The following FYCO1 variants were observed in gnomAD, a reference collection of about 807,000 sequenced individuals.
The protein encoded by FYCO1 is FYVE and coiled-coil domain autophagy adaptor 1.
In FYCO1, 122 loss-of-function variants were observed where a neutral mutation model predicts 165.1. The ratio of observed to expected loss-of-function variants is 0.74; its 90% CI spans 0.64 to 0.86. FYCO1 has a LOEUF of 0.86. Ranked by LOEUF, FYCO1 falls within the 40% of genes least tolerant of loss-of-function variation. FYCO1 has a pLI of 0.00. For missense variants in FYCO1, 1,702 were observed against 1,810.3 expected (o/e 0.94, Z 1.09); for synonymous variants, 648 against 742.5 (o/e 0.87, Z 2.07).
rs540709379 is a variant in FYCO1 at position 45,967,819 on chromosome 3, C to T, written c.1515G>A (p.Glu505=). ...KQQQEEKELL[E]QEVRSLTRQL... is the part of the protein sequence containing the mutation. Reference sequence around the variant, plus strand: ...GCCGGGTCAGAGACCTGACCTCCTGCTCCAGCAGCTCCTTCTCCTCCTGTT... The same window carrying T: ...GCCGGGTCAGAGACCTGACCTCCTGTTCCAGCAGCTCCTTCTCCTCCTGTT... The change falls in exon 8 of 18, where the codon GAG becomes GAA. Residue 505 remains glutamate (E), a synonymous_variant. Coordinates refer to ENST00000296137, the MANE Select transcript of FYCO1 (RefSeq NM_024513.4). 10 of 1,614,100 alleles carry T rather than the reference C, an allele frequency of 6.2e-6. No individual in the cohort carries two copies. In the African/African-American group the frequency reaches 1.1e-4, roughly 17 times the overall value.
At chr3:45,992,151 C>A (rs550535207) in intron 1 of FYCO1, among the ~76,000 whole-genome samples, 1 of 152,322 alleles carries the variant, frequency 6.6e-6, no homozygotes, top group African/African-American at 2.4e-5. Context: ...TTTGTTATGG[C>A]AGCCCTAGCA....
At chr3:45,963,286 A>T (rs1165021469) in intron 10 of FYCO1, among the ~76,000 whole-genome samples, 1 of 152,160 alleles carries the variant, frequency 6.6e-6, no homozygotes, top group East Asian at 1.9e-4. Flanking sequence ...TAGACTGTAC[A>T]GCTTTGAGCA....
chr3:45,963,075 A>T (rs561353946), intron 10 of FYCO1, among the ~76,000 whole-genome samples: 1 of 151,972 alleles, frequency 6.6e-6, no homozygotes, highest in Admixed American at 6.6e-5. Context: ...ACATAATAAA[A>T]GCTCCATTAA....
intron 6 of FYCO1, among the ~76,000 whole-genome samples, chr3:45,971,695 T>C (rs1706455606): frequency 6.6e-6 from 1 of 152,194 alleles, no homozygotes; most frequent in Non-Finnish European, 1.5e-5. Flanking sequence ...TTCAAAAATG[T>C]CAATGTTATG....
In FYCO1 at chr3:45,920,007, G is replaced by A. The variant is rs758968562; in HGVS notation, c.*1758C>T. ...CAGAAGAGGCTGCTCCAAGGAAGCC[G>A]AATGCAAGAGGCCCAGCTTTTCTCT... On this transcript the variant is annotated 3_prime_UTR_variant, in exon 18 of 18. Transcript: ENST00000296137. 5.3e-5 allele frequency: 8 copies of A among 152,256 alleles called. No homozygotes were observed. The highest frequency in any genetic ancestry group is 1.2e-4 in the Non-Finnish European group (8 of 68,062). The allele number at this position is 152,256 out of a possible 1,614,324, so 9.4% of individuals were successfully genotyped here.
In FYCO1 at chr3:45,922,022, C is replaced by T. The variant is rs138728826; in HGVS notation, c.4362-182G>A. 1.6e-3 allele frequency among the ~76,000 whole-genome samples: 251 copies of T among 152,252 alleles called. 3 individuals are homozygous for T. The Middle Eastern group carries it at 0.017, about 10-fold the overall frequency. On this transcript the variant is annotated intron_variant, in intron 17 of 17. Coordinates refer to ENST00000296137, the MANE Select transcript of FYCO1 (RefSeq NM_024513.4). Reference sequence around the variant, plus strand: ...TCTCCCTGGGAGGGTCAGAGGGTTTCGGGACATCACTGTGGACTCTCCTGA... The same window carrying T: ...TCTCCCTGGGAGGGTCAGAGGGTTTTGGGACATCACTGTGGACTCTCCTGA...
Position 45,918,936 on chromosome 3 carries a change from G to A in FYCO1, c.*2829C>T, listed in dbSNP as rs1037162022. ...AACGTGCCTCCTTGTTTGTGGGTAA[G>A]TGAATCTGACAGAGGTTGGCATGTT... On this transcript the variant is annotated 3_prime_UTR_variant, in exon 18 of 18. Coordinates refer to ENST00000296137, the MANE Select transcript of FYCO1 (RefSeq NM_024513.4). 1.3e-5 allele frequency: 2 copies of A among 152,216 alleles called. No individual in the cohort carries two copies. Among genetic ancestry groups the A allele is most frequent in the Non-Finnish European group, 2.9e-5 (2 of 68,060 alleles). The allele number at this position is 152,216 out of a possible 1,614,324, so 9.4% of individuals were successfully genotyped here.
chr3:45,972,754 A>G (rs1706513817), intron 6 of FYCO1, among the ~76,000 whole-genome samples: 1 of 152,212 alleles, frequency 6.6e-6, no homozygotes, highest in Non-Finnish European at 1.5e-5. Flanking sequence ...GCCTTCTGTA[A>G]TAACTCCATA....
chr3:45,970,157 A>G (rs1183080367), intron 6 of FYCO1, among the ~76,000 whole-genome samples: 1 of 152,240 alleles, frequency 6.6e-6, no homozygotes, highest in Non-Finnish European at 1.5e-5. Flanking sequence ...TGTATGACAC[A>G]GCAACAGTGT....
chr3:45,973,369 T>C, intron 5 of FYCO1, 138 bp from the exon 6 acceptor site: 1 of 796,202 alleles, frequency 1.3e-6, no homozygotes, highest in Non-Finnish European at 2.1e-6. Flanking sequence ...ACCAATTTCA[T>C]TTTCATGGTA....
intron 13 of FYCO1, among the ~76,000 whole-genome samples, chr3:45,956,014 G>A (rs1276277662): frequency 1.3e-5 from 2 of 152,086 alleles, no homozygotes; most frequent in Non-Finnish European, 2.9e-5. Flanking sequence ...ATATGTCACG[G>A]AAAAATGTGA....
At chr3:45,991,685 C>T (rs1366883054) in intron 1 of FYCO1, among the ~76,000 whole-genome samples, 1 of 152,210 alleles carries the variant, frequency 6.6e-6, no homozygotes, top group Non-Finnish European at 1.5e-5. Context: ...GCCTTACCCA[C>T]AGCCTCCTTC....
At chr3:45,980,373 GAA>G (rs1395147740) in intron 3 of FYCO1, among the ~76,000 whole-genome samples, 3 of 150,816 alleles carry the variant, frequency 2.0e-5, no homozygotes, top group Non-Finnish European at 4.4e-5. Flanking sequence ...AAAAGAAAAA[GAA>G]AAGAGTCTTA....
In FYCO1 at chr3:45,973,197, G is replaced by T; in HGVS notation, c.430C>A (p.Pro144Thr). Residue 144 changes from proline (P) to threonine (T), a missense_variant, in exon 6 of 18, where the codon CCA (proline) becomes ACA (threonine). Transcript: ENST00000296137. The part of the protein sequence containing the change: ...WYYARSPFLQ[P>T]KLSSDIVGQL... ...CCCACAATGTCCGAGCTCAGCTTTG[G>T]CTGCAGAAAGGGGCTTCTTGCATAG... 8.7e-6 allele frequency: 14 copies of T among 1,614,170 alleles called. No homozygotes were observed. Among genetic ancestry groups the T allele is most frequent in the Non-Finnish European group, 1.1e-5 (13 of 1,180,010 alleles).
chr3:45,947,597 G>C, intron 14 of FYCO1: 1 of 1,034,422 alleles, frequency 9.7e-7, no homozygotes, highest in Non-Finnish European at 1.5e-6. Context: ...TTTGTTTATA[G>C]CTTGCGCATT....
Position 45,930,639 on chromosome 3 carries a change from G to A in FYCO1, c.4251+432C>T, listed in dbSNP as rs184702724. ...AGCTCGACCACCCAAGTGACATTGG[G>A]GTTGTCTCTACTGACACCTTTCCGG... On this transcript the variant is annotated intron_variant, in intron 16 of 17. Transcript: ENST00000296137. Among the ~76,000 whole-genome samples the A allele has an allele frequency of 2.6e-3, 398 of 152,294 alleles. 1 individual carries two copies. The highest frequency in any genetic ancestry group is 9.1e-3 in the African/African-American group (380 of 41,554).
intron 16 of FYCO1, among the ~76,000 whole-genome samples, chr3:45,924,893 G>A (rs1465798569): frequency 6.7e-6 from 1 of 150,218 alleles, no homozygotes; most frequent in Non-Finnish European, 1.5e-5. Flanking sequence ...GATTACAGGT[G>A]TGAGCCACCA....
At position 45,947,716 on chromosome 3, in the gene FYCO1, G is replaced by A. The variant is rs1559450185; in HGVS notation, c.3944+7533C>T. ...CTCATGCTGAAAGCCCAAGTAGGGG[G>A]TCTAAAATTTTTAAGGACTTTCCTT... On this transcript the variant is annotated intron_variant, in intron 14 of 17. Coordinates refer to ENST00000296137, the MANE Select transcript of FYCO1 (RefSeq NM_024513.4). The A allele has an allele frequency of 1.4e-5, 8 of 563,220 alleles. No individual in the cohort carries two copies. The South Asian group carries it at 2.2e-4, about 15-fold the overall frequency. 34.9% of individuals were successfully genotyped at this position (563,220 alleles called of 1,614,324 possible).
chr3:45,929,447 C>T (rs914090809), intron 16 of FYCO1, among the ~76,000 whole-genome samples: 6 of 152,336 alleles, frequency 3.9e-5, no homozygotes, highest in African/African-American at 7.2e-5. Context: ...TCCCTGATTT[C>T]GTCCCTTCCC....
Sources: gnomAD v4.1 joint callset for allele counts (sites outside exome capture counted in the v4.1 genomes callset) on GRCh38, gnomAD v4.1.1 for gene constraint, MANE v1.5 for transcripts, NCBI Gene and HGNC (gene_info 2026-07-23, HGNC 2026-07-21) for gene names.